Variants in RUFY4 observed in about 807,000 individuals in gnomAD.
RUFY4 encodes the protein RUN and FYVE domain-containing protein 4.
In RUFY4, 73 loss-of-function variants were observed where a neutral mutation model predicts 69.0. The ratio of observed to expected loss-of-function variants is 1.06; its 90% confidence interval spans 0.88 to 1.29. The LOEUF is 1.29. Ranked by LOEUF, RUFY4 falls within the 50% of genes most tolerant of loss-of-function variation. The probability of loss-of-function intolerance (pLI) is 0.00; values close to 1 mark genes in which losing one functional copy is unlikely to be tolerated. For missense variants in RUFY4, 770 were observed against 705.6 expected (o/e 1.09, Z -1.03); for synonymous variants, 287 against 271.8 (o/e 1.06, Z -0.55).
chr2:218,087,747 T>C (rs1689927407), intron 9 of RUFY4, among the ~76,000 whole-genome samples: 1 of 152,118 alleles, frequency 6.6e-6, no homozygotes, highest in Non-Finnish European at 1.5e-5. Flanking sequence ...GAGAATCACT[T>C]GAACCCAGGA....
chr2:218,088,342 C>A (rs1689941557), intron 9 of RUFY4, among the ~76,000 whole-genome samples: 1 of 151,492 alleles, frequency 6.6e-6, no homozygotes, highest in Non-Finnish European at 1.5e-5. Flanking sequence ...CCTATAGTCC[C>A]AGCTACTCAG....
chr2:218,090,135 C>T (rs1477023081), exon 11 of RUFY4: 2 of 811,458 alleles, frequency 2.5e-6, no homozygotes, highest in African/African-American at 1.7e-5. Context: ...GTAGCTCTTC[C>T]CAGCCCTCTT....
chr2:218,039,014 G>A (rs2106024847), intron 2 of RUFY4, among the ~76,000 whole-genome samples: 1 of 152,248 alleles, frequency 6.6e-6, no homozygotes, highest in African/African-American at 2.4e-5. Context: ...TGCATAACTG[G>A]TTTAGACCAT....
intron 2 of RUFY4, among the ~76,000 whole-genome samples, chr2:218,051,403 A>T (rs546107469): frequency 1.3e-5 from 2 of 152,206 alleles, no homozygotes; most frequent in African/African-American, 4.8e-5. Flanking sequence ...TTTACTAAAA[A>T]TTAAGGTTTC....
exon 2 of RUFY4, chr2:218,070,847 G>A (rs1288475266): frequency 1.3e-6 from 2 of 1,535,900 alleles, no homozygotes; most frequent in Non-Finnish European, 1.7e-6. Context: ...GCTGCCTGGA[G>A]CTGCTGCTGC....
intron 2 of RUFY4, among the ~76,000 whole-genome samples, chr2:218,055,949 A>G (rs1689051953): frequency 6.6e-6 from 1 of 152,244 alleles, no homozygotes; most frequent in South Asian, 2.1e-4. Flanking sequence ...AAAATTTCAC[A>G]AATTAGATAC....
At chr2:218,047,129 A>C (rs114710637) in intron 2 of RUFY4, among the ~76,000 whole-genome samples, 2,178 of 152,098 alleles carry the variant, frequency 0.014, 55 homozygotes, top group African/African-American at 0.05. Context: ...AAAAGACAAC[A>C]TGAAGTACAA....
At chr2:218,058,601 G>A (rs1393985953) in exon 3 of RUFY4, 1 of 152,226 alleles carries the variant, frequency 6.6e-6, no homozygotes, top group African/African-American at 2.4e-5. Context: ...CCAGGTCAGT[G>A]GGGGGCCAGA....
chr2:218,083,875 A>T (rs926589019), intron 9 of RUFY4, among the ~76,000 whole-genome samples: 1 of 136,306 alleles, frequency 7.3e-6, no homozygotes, highest in South Asian at 2.7e-4. Flanking sequence ...GTTAGGGAGG[A>T]GAAAGGAACC....
At chr2:218,060,573 A>C in intron 3 of RUFY4, 1 of 1,321,644 alleles carries the variant, frequency 7.6e-7, no homozygotes, top group Non-Finnish European at 1.1e-6. Flanking sequence ...CACAGGTCTC[A>C]TTGGTCATCT....
intron 8 of RUFY4, among the ~76,000 whole-genome samples, chr2:218,079,679 G>A (rs938519703): frequency 1.3e-5 from 2 of 152,152 alleles, no homozygotes; most frequent in African/African-American, 4.8e-5. Context: ...TGATGCCTGG[G>A]AGCCAGGGAG....
rs1689537901 is a variant in RUFY4, at chr2:218,073,238, C to T, written c.387-5C>T. ...GGCCAAGGGTTCTGATCACTGTTAACACAGGGAATGGTATGGACCCCGGAG... is the reference window on the plus strand; with the variant it reads ...GGCCAAGGGTTCTGATCACTGTTAATACAGGGAATGGTATGGACCCCGGAG... On this transcript the variant is annotated splice_polypyrimidine_tract_variant and splice_region_variant and intron_variant, in intron 4 of 10. Transcript: ENST00000344321. The T allele has an allele frequency of 6.4e-7, 1 of 1,550,530 alleles. No individual in the cohort carries two copies. The highest frequency in any genetic ancestry group is 2.0e-5 in the Admixed American group (1 of 50,990).
Position 218,060,205 on chromosome 2 carries a change from C to T in RUFY4, c.-1071+1524C>T. 5.1e-6 allele frequency: 4 copies of T among 782,446 alleles called. No homozygotes were observed. In the South Asian group the frequency reaches 8.5e-5, roughly 17 times the overall value. The allele number at this position is 782,446 out of a possible 1,614,324, so 48.5% of individuals were successfully genotyped here. ...CAAGGGAAACTAGTAAGAACGTGGC[C>T]TCCTCTGCTTCCTGCGACCACAGTG... On this transcript the variant is annotated intron_variant and NMD_transcript_variant, in intron 3 of 13. Coordinates refer to the RUFY4 transcript ENST00000457754.
chr2:218,076,531 CA>C lies in RUFY4; in HGVS notation c.1354del (p.Arg452GlyfsTer41). On this transcript the variant is annotated frameshift_variant and splice_region_variant, in exon 8 of 11. Transcript: ENST00000344321. LOFTEE classifies it high-confidence loss of function. ...TGCAGGCACTTCGGGAGCAGCTCAG[CA>C]GGTAACCTTGGCAACCCACAGCACA... 1.3e-6 allele frequency: 2 copies of C among 1,550,220 alleles called. No homozygotes were observed. The highest frequency in any genetic ancestry group is 1.7e-6 in the Non-Finnish European group (2 of 1,146,270).
At chr2:218,038,482 TTTTAAA>T (rs1398694969) in intron 2 of RUFY4, among the ~76,000 whole-genome samples, 1 of 152,240 alleles carries the variant, frequency 6.6e-6, no homozygotes, top group Non-Finnish European at 1.5e-5. Flanking sequence ...TACATATTCA[TTTTAAA>T]TTAAATTAAC....
intron 2 of RUFY4, among the ~76,000 whole-genome samples, chr2:218,040,009 G>A (rs373037692): frequency 0.012 from 1,866 of 152,188 alleles, 40 homozygotes; most frequent in African/African-American, 0.042. Flanking sequence ...GACTCCTTCT[G>A]AAGTCTCTGC....
chr2:218,073,484 A>C, intron 5 of RUFY4, 98 bp downstream of exon 7: 1 of 1,476,096 alleles, frequency 6.8e-7, no homozygotes. Context: ...CTCCAGCCCC[A>C]TCTGTCTCTG....
chr2:218,088,656 C>T (rs74684383), intron 9 of RUFY4, among the ~76,000 whole-genome samples: 6,808 of 152,134 alleles, frequency 0.045, 211 homozygotes, highest in South Asian at 0.11. Context: ...AATAATGGGT[C>T]CTTAAATCAT....
At chr2:218,068,040 C>G (rs1161840183), upstream of RUFY4, among the ~76,000 whole-genome samples, 1 of 115,202 alleles carries the variant, frequency 8.7e-6, no homozygotes, top group Non-Finnish European at 1.9e-5. Context: ...CTGTACCAGG[C>G]AGAGTGGTTC....
Sources: gnomAD v4.1 joint callset for allele counts (sites outside exome capture counted in the v4.1 genomes callset) on GRCh38, gnomAD v4.1.1 for gene constraint, MANE v1.5 for transcripts, NCBI Gene and HGNC (gene_info 2026-07-23, HGNC 2026-07-21) for gene names.